The following MALT1 variants were observed in gnomAD, a reference collection of about 807,000 sequenced individuals.
MALT1 encodes the protein mucosa-associated lymphoid tissue lymphoma translocation protein 1.
In MALT1, 36 loss-of-function variants were observed where a neutral mutation model predicts 85.5. The observed-to-expected ratio is 0.42, with a 90% CI of 0.32 to 0.56. MALT1 has a LOEUF of 0.56. MALT1 is among the 20% of genes least tolerant of loss of function. The pLI is 0.10. For missense variants in MALT1, 716 were observed against 981.6 expected, an observed-to-expected ratio of 0.73 and a Z score of 3.62; for synonymous variants, 359 against 361.3, an observed-to-expected ratio of 0.99 and a Z score of 0.07.
chr18:58,734,502 T>C, intron 12 of MALT1, 121 bp downstream of exon 12: 2 of 726,718 alleles, frequency 2.8e-6, no homozygotes, highest in South Asian at 3.2e-5. Context: ...GGCGCCATCA[T>C]AGCTCACTGC....
intron 16 of MALT1, among the ~76,000 whole-genome samples, chr18:58,746,944 T>C (rs1568158765): frequency 6.6e-6 from 1 of 152,166 alleles, no homozygotes. Context: ...GCCAGACTGG[T>C]CTTGAACTCC....
intron 2 of MALT1, among the ~76,000 whole-genome samples, chr18:58,688,319 C>CACACACAA (rs2054437334): frequency 7.1e-6 from 1 of 140,680 alleles, no homozygotes; most frequent in African/African-American, 2.6e-5. Context: ...CACACACACA[C>CACACACAA]ACACACACGC....
At chr18:58,673,197 A>G (rs2054192104) in intron 1 of MALT1, among the ~76,000 whole-genome samples, 1 of 152,246 alleles carries the variant, frequency 6.6e-6, no homozygotes, top group South Asian at 2.1e-4. Context: ...TCAAAATGGT[A>G]TTTATTAAGT....
chr18:58,737,101 G>T (rs536911020), intron 13 of MALT1, among the ~76,000 whole-genome samples: 11 of 152,230 alleles, frequency 7.2e-5, no homozygotes, highest in Admixed American at 2.0e-4. Context: ...AGCACTTTGG[G>T]AGGCTGAGGT....
chr18:58,693,035 A>G (rs971602294), intron 2 of MALT1, among the ~76,000 whole-genome samples: 3 of 152,238 alleles, frequency 2.0e-5, no homozygotes, highest in Non-Finnish European at 4.4e-5. Flanking sequence ...AGGTTTAAGG[A>G]AATAAGCTGT....
intron 16 of MALT1, among the ~76,000 whole-genome samples, chr18:58,746,773 G>C (rs926127425): frequency 3.3e-5 from 5 of 151,678 alleles, no homozygotes; most frequent in Admixed American, 2.0e-4. Context: ...TGTCGCCTAG[G>C]TTGGAATGCA....
chr18:58,712,975 T>C (rs2054851708), intron 7 of MALT1, among the ~76,000 whole-genome samples: 1 of 152,066 alleles, frequency 6.6e-6, no homozygotes, highest in East Asian at 1.9e-4. Flanking sequence ...GAATACAGAC[T>C]ATAAGAAAAG....
chr18:58,715,205 TG>T (rs1266567499), intron 8 of MALT1, among the ~76,000 whole-genome samples: 2 of 152,210 alleles, frequency 1.3e-5, no homozygotes, highest in African/African-American at 4.8e-5. Flanking sequence ...TGTTAATTCT[TG>T]CTTTTCTTTA....
chr18:58,749,839 C>T lies in MALT1; in HGVS notation c.*1997C>T, dbSNP rs763139074. The stretch of plus-strand genomic sequence containing the variant: ...ATATAACATCTATGAAAAGCCCACA[C>T]CTAACATTATACTTCATGGTGATAG... On this transcript the variant is annotated 3_prime_UTR_variant, in exon 17 of 17. Coordinates refer to ENST00000649217, the MANE Select transcript of MALT1 (RefSeq NM_006785.4). 4 of 210,086 alleles carry T rather than the reference C, an allele frequency of 1.9e-5. No individual in the cohort carries two copies. Among genetic ancestry groups the T allele is most frequent in the Non-Finnish European group, 3.9e-5 (4 of 103,536 alleles). The allele number at this position is 210,086 out of a possible 1,614,324, so 13.0% of individuals were successfully genotyped here. A position where few individuals can be genotyped will look rare whatever the true frequency, so the allele number is the denominator to read the frequency against.
At chr18:58,742,649 A>G (rs2055316994) in intron 14 of MALT1, among the ~76,000 whole-genome samples, 1 of 152,234 alleles carries the variant, frequency 6.6e-6, no homozygotes, top group Non-Finnish European at 1.5e-5. Flanking sequence ...TGGAGGTTGC[A>G]GTGCAGTGAG....
At chr18:58,684,754 CTATT>C (rs1200799527) in intron 2 of MALT1, among the ~76,000 whole-genome samples, 6 of 151,954 alleles carry the variant, frequency 3.9e-5, no homozygotes, top group African/African-American at 1.5e-4. Flanking sequence ...CCAACTTACT[CTATT>C]TATAGATAGT....
intron 4 of MALT1, among the ~76,000 whole-genome samples, chr18:58,705,430 C>G (rs1201353942): frequency 1.3e-5 from 2 of 150,056 alleles, no homozygotes; most frequent in African/African-American, 4.9e-5. Flanking sequence ...CCCACTATCT[C>G]GTCATCTAGC....
chr18:58,681,326 C>T lies in MALT1; in HGVS notation c.366C>T (p.Leu122=). ...AACACACTGAAGTTCTTCAGCTTCT[C>T]AGCCCCCCAGGTAGGTTTTGTTCTT... ...AMEHTEVLQL[L]SPPGIKITVN... Residue 122 remains leucine, a synonymous_variant, in exon 2 of 17, where the codon CTC becomes CTT. Coordinates refer to ENST00000649217, the MANE Select transcript of MALT1 (RefSeq NM_006785.4). 1 of 1,613,242 alleles carries T rather than the reference C, an allele frequency of 6.2e-7. No individual in the cohort carries two copies. The highest frequency in any genetic ancestry group is 1.1e-5 in the South Asian group (1 of 90,854).
chr18:58,718,593 A>G (rs902507990), intron 9 of MALT1, among the ~76,000 whole-genome samples: 1 of 152,232 alleles, frequency 6.6e-6, no homozygotes, highest in East Asian at 1.9e-4. Context: ...GACACCGTCC[A>G]TGGAAAAATT....
rs1011849690 is a variant in MALT1 at position 58,671,823 on chromosome 18, G to A, written c.180G>A (p.Leu60=). ...EGRGWRRLAE[L]AGSRGRLRLS... ...GGGGCTGGAGGAGACTGGCGGAGCT[G>A]GCGGGGAGTCGCGGGCGCCTCCGCC... Residue 60 remains leucine, a synonymous_variant, in exon 1 of 17, where the codon CTG becomes CTA. Coordinates refer to ENST00000649217, the MANE Select transcript of MALT1 (RefSeq NM_006785.4). 14 of 1,232,480 alleles carry A rather than the reference G, an allele frequency of 1.1e-5. No homozygotes were observed. The Admixed American group carries it at 2.6e-4, about 23-fold the overall frequency. The allele number at this position is 1,232,480 out of a possible 1,614,324, so 76.3% of individuals were successfully genotyped here.
chr18:58,711,005 T>A (rs774216899), intron 7 of MALT1, 52 bp downstream of exon 7: 8 of 1,363,184 alleles, frequency 5.9e-6, no homozygotes, highest in Non-Finnish European at 8.1e-6. Context: ...TAGTTACTCT[T>A]GGGATTGGTG....
At chr18:58,716,047 G>A in intron 9 of MALT1, 80 bp downstream of exon 9, 2 of 1,091,844 alleles carry the variant, frequency 1.8e-6, no homozygotes, top group South Asian at 1.4e-5. Flanking sequence ...ATTTTAATTT[G>A]GTTTTTTAAA....
At chr18:58,711,634 G>C (rs2054832249) in intron 7 of MALT1, among the ~76,000 whole-genome samples, 1 of 152,074 alleles carries the variant, frequency 6.6e-6, no homozygotes, top group African/African-American at 2.4e-5. Flanking sequence ...TCTTTCCTTA[G>C]TGTGATGTCA....
rs1486079862 is a variant in MALT1, at chr18:58,734,290, C to G, written c.1401-17C>G. 1 of 1,581,636 alleles carries G rather than the reference C, an allele frequency of 6.3e-7. No individual in the cohort carries two copies. On this transcript the variant is annotated splice_polypyrimidine_tract_variant and intron_variant, in intron 11 of 16. Coordinates refer to ENST00000649217, the MANE Select transcript of MALT1 (RefSeq NM_006785.4). Reference sequence around the variant, plus strand: ...TTTTCATATTTCTATCTGCCCTCCTCCGCCTCCCTTAAATAGAAATGACTA... The same window carrying G: ...TTTTCATATTTCTATCTGCCCTCCTGCGCCTCCCTTAAATAGAAATGACTA...
Sources: allele counts gnomAD v4.1 joint callset (sites outside exome capture counted in the v4.1 genomes callset), GRCh38; gene constraint gnomAD v4.1.1; transcripts MANE v1.5; gene names NCBI Gene and HGNC (gene_info 2026-07-23, HGNC 2026-07-21).